Variants in SCP2 observed in about 807,000 individuals in gnomAD.
The protein encoded by SCP2 is SCP-2/3-oxoacyl-CoA thiolase.
In SCP2, 48 loss-of-function variants were observed where a neutral mutation model predicts 71.4. The ratio of observed to expected loss-of-function variants is 0.67; its 90% confidence interval spans 0.53 to 0.86. The LOEUF is 0.86. SCP2 is among the 40% of genes least tolerant of loss of function. The pLI, the probability that SCP2 is intolerant of heterozygous loss-of-function variation, is 0.00. For missense variants in SCP2, 560 were observed against 655.6 expected (o/e 0.85, Z 1.59); for synonymous variants, 220 against 218.1 (o/e 1.01, Z -0.08).
At chr1:52,961,066 C>CTTTTTTTTTTT (rs774047289) in intron 5 of SCP2, among the ~76,000 whole-genome samples, 25 of 92,148 alleles carry the variant, frequency 2.7e-4, no homozygotes, top group Admixed American at 4.6e-4. Context: ...TCCTTTGGTT[C>CTTTTTTTTTTT]TTTTTTTTTT....
chr1:52,995,833 C>A, intron 11 of SCP2: 1 of 1,081,650 alleles, frequency 9.2e-7, no homozygotes, highest in Non-Finnish European at 1.4e-6. Context: ...TCAGGTGCAT[C>A]TTGGAGCAGT....
chr1:52,981,249 A>T (rs937562543), intron 10 of SCP2, among the ~76,000 whole-genome samples: 3 of 152,146 alleles, frequency 2.0e-5, no homozygotes, highest in Non-Finnish European at 4.4e-5. Context: ...TGTATTTTTT[A>T]AAATCTACTT....
At chr1:53,001,824 C>G (rs1359705289) in intron 11 of SCP2, among the ~76,000 whole-genome samples, 1 of 152,152 alleles carries the variant, frequency 6.6e-6, no homozygotes, top group African/African-American at 2.4e-5. Flanking sequence ...TATACTTTCT[C>G]AGTACTTTTC....
chr1:53,027,949 A>T lies in SCP2; in HGVS notation c.1236-20A>T, dbSNP rs759107526. 16 of 1,398,492 alleles carry T rather than the reference A, an allele frequency of 1.1e-5. No individual in the cohort carries two copies. The highest frequency in any genetic ancestry group is 9.3e-5 in the South Asian group (8 of 86,412). 86.6% of individuals were successfully genotyped at this position (1,398,492 alleles called of 1,614,324 possible). On this transcript the variant is annotated intron_variant, in intron 12 of 15. Coordinates refer to ENST00000371514, the MANE Select transcript of SCP2 (RefSeq NM_002979.5). ...AGTACCTATGTGACTCCATGAATTG[A>T]AACAGTTTCTTTTCCCCAGTTCTTT...
chr1:52,946,892 A>T (rs956612485), intron 2 of SCP2, among the ~76,000 whole-genome samples: 3 of 151,624 alleles, frequency 2.0e-5, no homozygotes, highest in Non-Finnish European at 4.4e-5. Context: ...TCCCCTCTCT[A>T]CTAAAAACAC....
chr1:53,012,108 C>T (rs1661022526), intron 11 of SCP2, among the ~76,000 whole-genome samples: 1 of 152,172 alleles, frequency 6.6e-6, no homozygotes. Context: ...TATAACTTCC[C>T]TTCACCTTTC....
chr1:53,024,827 G>A (rs991175949), intron 12 of SCP2, among the ~76,000 whole-genome samples: 4 of 151,556 alleles, frequency 2.6e-5, no homozygotes, highest in Admixed American at 1.3e-4. Context: ...CTGCCTCGGC[G>A]TCCCAAAGTG....
Position 53,031,192 on chromosome 1 carries a change from A to G in SCP2, c.1338+3121A>G, listed in dbSNP as rs192999276. Among the ~76,000 whole-genome samples the G allele has an allele frequency of 6.8e-4, 104 of 152,352 alleles. 1 individual carries two copies. Among genetic ancestry groups the G allele is most frequent in the African/African-American group, 2.3e-3 (97 of 41,586 alleles). ...GATTATCTACTATGAAGTATGAGAT[A>G]TGGCAGTATATCAGTCATTGAATAC... On this transcript the variant is annotated intron_variant, in intron 13 of 15. Transcript: ENST00000371514.
intron 6 of SCP2, 44 bp from the exon 7 acceptor site, chr1:52,974,725 C>T (rs142404632): frequency 1.5e-5 from 14 of 954,742 alleles, no homozygotes; most frequent in African/African-American, 6.4e-5. Flanking sequence ...TAATAAGCAG[C>T]GGAAAAACAT....
At chr1:53,046,482 T>C (rs926804606) in intron 14 of SCP2, among the ~76,000 whole-genome samples, 1 of 152,176 alleles carries the variant, frequency 6.6e-6, no homozygotes, top group African/African-American at 2.4e-5. Flanking sequence ...ATATAATGCC[T>C]ACATGTGTCA....
chr1:53,012,921 C>A (rs906648950), intron 11 of SCP2, among the ~76,000 whole-genome samples: 1 of 152,084 alleles, frequency 6.6e-6, no homozygotes, highest in Non-Finnish European at 1.5e-5. Context: ...CAACTAGCAG[C>A]GTATCTAAGA....
chr1:53,005,799 C>T (rs570528152), intron 11 of SCP2, among the ~76,000 whole-genome samples: 1 of 152,226 alleles, frequency 6.6e-6, no homozygotes, highest in East Asian at 1.9e-4. Flanking sequence ...GAGAAGAAGG[C>T]TTCAGATGAT....
At chr1:52,982,509 G>A (rs1658620541) in intron 10 of SCP2, among the ~76,000 whole-genome samples, 3 of 152,166 alleles carry the variant, frequency 2.0e-5, no homozygotes, top group Non-Finnish European at 1.5e-5. Context: ...GGCGGAGCTT[G>A]CAGGGAGCTG....
intron 1 of SCP2, 131 bp from the exon 2 acceptor site, chr1:52,941,665 G>A (rs1654257373): frequency 3.6e-6 from 2 of 560,256 alleles, no homozygotes; most frequent in African/African-American, 3.9e-5. Flanking sequence ...AACCCAGGAG[G>A]CAGAGGTTGC....
rs915008099 is a variant in SCP2, at chr1:53,021,378, G to T, written c.1235+6335G>T. On this transcript the variant is annotated intron_variant, in intron 12 of 15. Transcript: ENST00000371514. Reference sequence around the variant, plus strand: ...GTCGCCCAGGCTGGAGTGCAGTTGCGCAATCTTGGCTCACTGCAGCCTTTG... The same window carrying T: ...GTCGCCCAGGCTGGAGTGCAGTTGCTCAATCTTGGCTCACTGCAGCCTTTG... Among the ~76,000 whole-genome samples the T allele has an allele frequency of 2.3e-4, 34 of 146,042 alleles. No homozygotes were observed. In the East Asian group the frequency reaches 6.3e-3, roughly 27 times the overall value.
chr1:52,986,137 C>A (rs1319153400), intron 10 of SCP2, among the ~76,000 whole-genome samples: 1 of 152,134 alleles, frequency 6.6e-6, no homozygotes, highest in Non-Finnish European at 1.5e-5. Context: ...AAAGCGTATG[C>A]ATTTGTTTTC....
intron 6 of SCP2, among the ~76,000 whole-genome samples, chr1:52,973,470 C>G (rs1037601521): frequency 1.3e-5 from 2 of 152,064 alleles, no homozygotes; most frequent in Non-Finnish European, 2.9e-5. Flanking sequence ...TTGCTGCTGT[C>G]CAGATACTAT....
intron 5 of SCP2, among the ~76,000 whole-genome samples, chr1:52,959,702 T>C (rs1403216310): frequency 6.6e-6 from 1 of 152,018 alleles, no homozygotes. Context: ...ATTAACCTTA[T>C]TGGTAAAAAG....
intron 1 of SCP2, among the ~76,000 whole-genome samples, chr1:52,927,668 T>C (rs1422430366): frequency 2.0e-5 from 3 of 152,104 alleles, no homozygotes; most frequent in African/African-American, 4.8e-5. Flanking sequence ...CTCCTTCCCT[T>C]TTCTTCTGGT....
Sources: allele counts gnomAD v4.1 joint callset (sites outside exome capture counted in the v4.1 genomes callset), GRCh38; gene constraint gnomAD v4.1.1; transcripts MANE v1.5; gene names NCBI Gene and HGNC (gene_info 2026-07-23, HGNC 2026-07-21).